Variants in LUZP2 observed in about 807,000 individuals in gnomAD.
The protein encoded by LUZP2 is leucine zipper protein 2.
A neutral mutation model predicts 51.6 loss-of-function variants in LUZP2; 52 were observed. The observed-to-expected ratio is 1.01, with a 90% confidence interval of 0.81 to 1.27. The LOEUF is 1.27. Among genes scored for constraint, LUZP2 ranks in the 50% most tolerant of loss-of-function variants. LUZP2 has a pLI of 0.00. For missense variants in LUZP2, 436 were observed against 395.4 expected, an observed-to-expected ratio of 1.10 and a Z score of -0.87; for synonymous variants, 154 against 137.3, an observed-to-expected ratio of 1.12 and a Z score of -0.85.
At chr11:24,834,258 C>T (rs139037028) in intron 5 of LUZP2, among the ~76,000 whole-genome samples, 7 of 152,228 alleles carry the variant, frequency 4.6e-5, no homozygotes, top group South Asian at 2.1e-4. Context: ...CCCTCACCCC[C>T]CAACAGGCCC....
chr11:24,922,209 G>C (rs1223878068), intron 7 of LUZP2, among the ~76,000 whole-genome samples: 1 of 152,108 alleles, frequency 6.6e-6, no homozygotes. Flanking sequence ...TGTGGTGATA[G>C]ACTAGATGCA....
intron 1 of LUZP2, among the ~76,000 whole-genome samples, chr11:24,530,004 G>A (rs1850944274): frequency 6.6e-6 from 1 of 150,824 alleles, no homozygotes; most frequent in African/African-American, 2.4e-5. Flanking sequence ...TTCATTTTTA[G>A]GTTAGACTTT....
At chr11:24,930,472 TA>T (rs1206998163) in intron 7 of LUZP2, among the ~76,000 whole-genome samples, 1 of 152,180 alleles carries the variant, frequency 6.6e-6, no homozygotes, top group East Asian at 1.9e-4. Flanking sequence ...GATTCATCTT[TA>T]TTTATGAAGC....
intron 1 of LUZP2, among the ~76,000 whole-genome samples, chr11:24,631,316 A>G (rs544821476): frequency 6.6e-6 from 1 of 151,134 alleles, no homozygotes; most frequent in South Asian, 2.1e-4. Flanking sequence ...GATGTTGGCT[A>G]TAGGTTTGTT....
intron 5 of LUZP2, among the ~76,000 whole-genome samples, chr11:24,849,169 T>G (rs1347661512): frequency 6.6e-6 from 1 of 152,154 alleles, no homozygotes; most frequent in Non-Finnish European, 1.5e-5. Flanking sequence ...CTGGTATATA[T>G]GTGCAGAACG....
chr11:24,766,321 G>A (rs1860188750), intron 5 of LUZP2, among the ~76,000 whole-genome samples: 1 of 152,140 alleles, frequency 6.6e-6, no homozygotes, highest in African/African-American at 2.4e-5. Context: ...AACAAGGGGT[G>A]AAATAATGTC....
At chr11:25,041,978 G>A (rs1212321182) in intron 9 of LUZP2, among the ~76,000 whole-genome samples, 1 of 152,102 alleles carries the variant, frequency 6.6e-6, no homozygotes, top group African/African-American at 2.4e-5. Flanking sequence ...GATGATATGA[G>A]GTGGAACAGT....
chr11:24,668,812 G>A (rs981759756), intron 1 of LUZP2, among the ~76,000 whole-genome samples: 2 of 152,142 alleles, frequency 1.3e-5, no homozygotes, highest in Non-Finnish European at 2.9e-5. Context: ...AAGTAGATTA[G>A]AAGAAAATGG....
At chr11:24,803,517 A>T (rs989741721) in intron 5 of LUZP2, among the ~76,000 whole-genome samples, 1 of 150,014 alleles carries the variant, frequency 6.7e-6, no homozygotes, top group Non-Finnish European at 1.5e-5. Flanking sequence ...TCTCAAAAAG[A>T]TATTCATACA....
intron 1 of LUZP2, among the ~76,000 whole-genome samples, chr11:24,726,523 A>C (rs1858482752): frequency 6.6e-6 from 1 of 151,620 alleles, no homozygotes; most frequent in Non-Finnish European, 1.5e-5. Context: ...CTCCCACCCT[A>C]CTCCCCCCAC....
At chr11:24,555,288 C>G (rs968572946) in intron 1 of LUZP2, among the ~76,000 whole-genome samples, 1 of 152,122 alleles carries the variant, frequency 6.6e-6, no homozygotes, top group African/African-American at 2.4e-5. Flanking sequence ...AGATACATAA[C>G]TCAGAGCTTT....
intron 5 of LUZP2, among the ~76,000 whole-genome samples, chr11:24,899,510 G>T (rs778579732): frequency 6.6e-6 from 1 of 151,560 alleles, no homozygotes; most frequent in African/African-American, 2.4e-5. Context: ...GAAAGATATC[G>T]CCAGACTATA....
rs150481761 is a variant in LUZP2 at position 24,737,167 on chromosome 11, C to T, written c.252-1054C>T. On this transcript the variant is annotated intron_variant, in intron 3 of 11. Transcript: ENST00000336930. ...CCTAACATTTGTTAAGGAATTCTTT[C>T]ATAGGCATTGTGTTAAGTGCTTTGC... Among the ~76,000 whole-genome samples the T allele has an allele frequency of 7.5e-4, 114 of 152,142 alleles. 1 individual carries two copies. Among genetic ancestry groups the T allele is most frequent in the East Asian group, 6.4e-3 (33 of 5,162 alleles).
At chr11:24,947,035 G>A (rs924892487) in intron 7 of LUZP2, among the ~76,000 whole-genome samples, 2 of 151,764 alleles carry the variant, frequency 1.3e-5, no homozygotes, top group African/African-American at 4.8e-5. Context: ...CCCCATGGAT[G>A]GCCAAAAATC....
At chr11:24,568,355 GAAAA>G (rs35908367) in intron 1 of LUZP2, among the ~76,000 whole-genome samples, 1 of 127,252 alleles carries the variant, frequency 7.9e-6, no homozygotes, top group African/African-American at 3.2e-5. Context: ...ATCTGTCTCA[GAAAA>G]AAAAAAAAAA....
intron 5 of LUZP2, among the ~76,000 whole-genome samples, chr11:24,894,726 C>T (rs2133765332): frequency 6.6e-6 from 1 of 152,172 alleles, no homozygotes; most frequent in South Asian, 2.1e-4. Context: ...TCCATTTAGC[C>T]ACTGTGGAAA....
At chr11:24,531,104 C>G (rs1311395498) in intron 1 of LUZP2, among the ~76,000 whole-genome samples, 1 of 140,172 alleles carries the variant, frequency 7.1e-6, no homozygotes, top group East Asian at 2.0e-4. Context: ...CATAAAAAAG[C>G]AACTTCATAA....
At chr11:24,602,387 T>TACACACACACACAC (rs71041785) in intron 1 of LUZP2, among the ~76,000 whole-genome samples, 1 of 129,516 alleles carries the variant, frequency 7.7e-6, no homozygotes, top group African/African-American at 2.9e-5. Context: ...TATATATATA[T>TACACACACACACAC]ACACACACAC....
chr11:24,890,139 C>A (rs1280016266), intron 5 of LUZP2, among the ~76,000 whole-genome samples: 1 of 152,038 alleles, frequency 6.6e-6, no homozygotes, highest in East Asian at 1.9e-4. Flanking sequence ...AGTGTATAAT[C>A]TGTAACATGT....
Sources: allele counts gnomAD v4.1 joint callset (sites outside exome capture counted in the v4.1 genomes callset), GRCh38; gene constraint gnomAD v4.1.1; transcripts MANE v1.5; gene names NCBI Gene and HGNC (gene_info 2026-07-23, HGNC 2026-07-21).